PDE7B: variants seen among roughly 807,000 people sequenced by gnomAD.
PDE7B encodes 3',5'-cyclic-AMP phosphodiesterase 7B.
PDE7B carries 29 observed loss-of-function variants against 56.2 expected under a neutral mutation model. The ratio of observed to expected loss-of-function variants is 0.52; its 90% CI spans 0.38 to 0.70. The LOEUF (loss-of-function observed/expected upper bound fraction) is 0.70, where lower values mean the gene tolerates loss of function less well. Among genes scored for constraint, PDE7B ranks in the 30% least tolerant of loss-of-function variants. PDE7B has a pLI of 0.00. For synonymous variants in PDE7B, 197 were observed against 196.9 expected (o/e 1.00, Z 0.00); for missense variants, 490 against 565.0 (o/e 0.87, Z 1.35).
chr6:136,182,069 G>T (rs1056020408), intron 11 of PDE7B, among the ~76,000 whole-genome samples: 5 of 152,172 alleles, frequency 3.3e-5, no homozygotes, highest in Non-Finnish European at 5.9e-5. Context: ...TCAGGTTTGA[G>T]AGGCTGAGAA....
intron 2 of PDE7B, among the ~76,000 whole-genome samples, chr6:136,021,316 C>A (rs1304878169): frequency 2.0e-5 from 3 of 152,206 alleles, no homozygotes; most frequent in East Asian, 3.8e-4. Flanking sequence ...CCTTCACATG[C>A]CGATCCATGT....
chr6:136,139,003 T>C (rs1306416343), intron 3 of PDE7B, among the ~76,000 whole-genome samples: 1 of 152,206 alleles, frequency 6.6e-6, no homozygotes, highest in Non-Finnish European at 1.5e-5. Context: ...AGTTTTAGGG[T>C]ACATGTGCAC....
intron 8 of PDE7B, chr6:136,162,053 A>C (rs1778712198): frequency 6.6e-6 from 1 of 152,134 alleles, no homozygotes; most frequent in Admixed American, 6.5e-5. Flanking sequence ...AGCCAGTTCC[A>C]CTTTTCCACT....
At chr6:135,891,300 T>C (rs1775806303) in intron 1 of PDE7B, among the ~76,000 whole-genome samples, 1 of 152,086 alleles carries the variant, frequency 6.6e-6, no homozygotes, top group African/African-American at 2.4e-5. Flanking sequence ...TCTGAAAGAG[T>C]GAGACTCATT....
chr6:135,861,120 C>T (rs972502482), intron 1 of PDE7B, among the ~76,000 whole-genome samples: 1 of 151,838 alleles, frequency 6.6e-6, no homozygotes, highest in African/African-American at 2.4e-5. Context: ...ATTTACCATT[C>T]TACTGTAGAA....
intron 1 of PDE7B, among the ~76,000 whole-genome samples, chr6:135,915,028 G>A (rs1267113633): frequency 6.6e-6 from 1 of 151,744 alleles, no homozygotes; most frequent in South Asian, 2.1e-4. Context: ...AGGAGGTGGA[G>A]GTTGCAGTGA....
intron 1 of PDE7B, among the ~76,000 whole-genome samples, chr6:135,936,001 A>C (rs1362730629): frequency 6.6e-6 from 1 of 152,200 alleles, no homozygotes; most frequent in African/African-American, 2.4e-5. Flanking sequence ...CTCCCTATGC[A>C]AAAGTGTTTG....
intron 2 of PDE7B, among the ~76,000 whole-genome samples, chr6:135,971,422 A>C (rs1031890073): frequency 6.6e-6 from 1 of 152,098 alleles, no homozygotes; most frequent in Non-Finnish European, 1.5e-5. Context: ...CTAGCGTCCT[A>C]ATATAGTAGC....
At chr6:136,012,889 A>C (rs943709147) in intron 2 of PDE7B, among the ~76,000 whole-genome samples, 1 of 152,210 alleles carries the variant, frequency 6.6e-6, no homozygotes, top group African/African-American at 2.4e-5. Flanking sequence ...TCAAACATGA[A>C]CTTTTTTCTG....
chr6:136,169,390 A>G (rs1778846278), intron 8 of PDE7B, among the ~76,000 whole-genome samples: 1 of 151,942 alleles, frequency 6.6e-6, no homozygotes, highest in Non-Finnish European at 1.5e-5. Context: ...AGCTAACCCA[A>G]TTTTCTAGCA....
chr6:135,851,858 CTTTTTTTT>C lies in PDE7B; in HGVS notation c.-135_-128del, dbSNP rs60347338. 1.2e-5 allele frequency: 6 copies of C among 508,990 alleles called. No homozygotes were observed. Among genetic ancestry groups the C allele is most frequent in the Admixed American group, 6.1e-5 (2 of 32,958 alleles). The allele number at this position is 508,990 out of a possible 1,614,324, so 31.5% of individuals were successfully genotyped here. A position where few individuals can be genotyped will look rare whatever the true frequency, so the allele number is the denominator to read the frequency against. ...TTCTTTATTTCTTTTCCTTTTTTTT[CTTTTTTTT>C]TTTTTGTTACTTAATTATATTCCTA... is the stretch of plus-strand genomic sequence containing the variant. On this transcript the variant is annotated 5_prime_UTR_variant, in exon 1 of 13. Coordinates refer to ENST00000308191, the MANE Select transcript of PDE7B (RefSeq NM_018945.4).
chr6:135,887,207 A>G (rs1167408602), intron 1 of PDE7B, among the ~76,000 whole-genome samples: 4 of 151,658 alleles, frequency 2.6e-5, no homozygotes, highest in Non-Finnish European at 5.9e-5. Context: ...TTTTGATGGG[A>G]TTATTTGTTT....
chr6:136,162,251 C>T (rs1418285836), intron 8 of PDE7B: 1 of 152,146 alleles, frequency 6.6e-6, no homozygotes, highest in Non-Finnish European at 1.5e-5. Flanking sequence ...AATTGACTCA[C>T]AGTTCTGCAG....
chr6:136,140,245 T>C (rs1439486367), intron 3 of PDE7B, among the ~76,000 whole-genome samples: 2 of 152,226 alleles, frequency 1.3e-5, no homozygotes, highest in African/African-American at 4.8e-5. Context: ...CCCCATTTCT[T>C]GTTTTTGTCA....
At chr6:136,114,590 T>A (rs899438675) in intron 3 of PDE7B, among the ~76,000 whole-genome samples, 1 of 152,144 alleles carries the variant, frequency 6.6e-6, no homozygotes, top group Admixed American at 6.5e-5. Flanking sequence ...TTTAGTAACC[T>A]TACAGATACC....
rs562208027 is a variant in PDE7B, at chr6:136,194,228, C to A, written c.*2388C>A. 25 of 152,130 alleles carry A rather than the reference C, an allele frequency of 1.6e-4. No homozygotes were observed. The highest frequency in any genetic ancestry group is 5.5e-4 in the African/African-American group (23 of 41,504). The allele number at this position is 152,130 out of a possible 1,614,324, so 9.4% of individuals were successfully genotyped here. ...GGTAGGAAAGAAGACACTATTTTAG[C>A]TAATGGGGTTTCTTGGGACTAAAAA... On this transcript the variant is annotated 3_prime_UTR_variant, in exon 13 of 13. Coordinates refer to ENST00000308191, the MANE Select transcript of PDE7B (RefSeq NM_018945.4).
intron 2 of PDE7B, among the ~76,000 whole-genome samples, chr6:135,990,594 A>G (rs188269580): frequency 1.3e-5 from 2 of 152,352 alleles, no homozygotes; most frequent in East Asian, 3.9e-4. Flanking sequence ...AGTTAGACGT[A>G]TAGAAATAGC....
At chr6:136,040,135 A>G (rs1054268264) in intron 2 of PDE7B, among the ~76,000 whole-genome samples, 1 of 152,166 alleles carries the variant, frequency 6.6e-6, no homozygotes, top group Non-Finnish European at 1.5e-5. Flanking sequence ...GAGTCTTACT[A>G]TACCTCTCTA....
At chr6:135,900,550 A>G (rs923825745) in intron 1 of PDE7B, among the ~76,000 whole-genome samples, 1 of 151,504 alleles carries the variant, frequency 6.6e-6, no homozygotes, top group African/African-American at 2.4e-5. Flanking sequence ...ATTTTACCCA[A>G]TTCTTGCTTG....
Sources: allele counts gnomAD v4.1 joint callset (sites outside exome capture counted in the v4.1 genomes callset), GRCh38; gene constraint gnomAD v4.1.1; transcripts MANE v1.5; gene names NCBI Gene and HGNC (gene_info 2026-07-23, HGNC 2026-07-21).